Variants in ATP8A1 observed in about 807,000 individuals in gnomAD.
ATP8A1 encodes ATPase phospholipid transporting 8A1, also known as phospholipid-transporting ATPase IA.
In ATP8A1, 90 loss-of-function variants were observed where a neutral mutation model predicts 177.7. The observed-to-expected ratio is 0.51, with a 90% CI of 0.43 to 0.60. The LOEUF (loss-of-function observed/expected upper bound fraction) is 0.60, where lower values mean the gene tolerates loss of function less well. Among genes scored for constraint, ATP8A1 ranks in the 20% least tolerant of loss-of-function variants. The pLI is 0.00. For missense variants in ATP8A1, 1,072 were observed against 1,392.8 expected (o/e 0.77, Z 3.67); for synonymous variants, 493 against 485.9 (o/e 1.01, Z -0.19).
chr4:42,524,912 G>T, intron 20 of ATP8A1, 65 bp from the exon 21 acceptor site: 1 of 1,014,694 alleles, frequency 9.9e-7, no homozygotes, highest in Non-Finnish European at 1.5e-6. Flanking sequence ...AGTTGATGTT[G>T]GTAACAATAG....
At chr4:42,472,111 T>C in intron 25 of ATP8A1, 1 of 691,216 alleles carries the variant, frequency 1.4e-6, no homozygotes, top group Admixed American at 1.8e-5. Context: ...AGGAGAATTC[T>C]GCCTAAGCCA....
chr4:42,575,736 G>A (rs778050671), intron 12 of ATP8A1, 37 bp from the exon 13 acceptor site: 32 of 1,536,108 alleles, frequency 2.1e-5, no homozygotes, highest in African/African-American at 2.7e-5. Flanking sequence ...AACACAACTG[G>A]TAATAAGGAA....
At chr4:42,467,946 G>A (rs1338419764) in intron 25 of ATP8A1, among the ~76,000 whole-genome samples, 1 of 152,130 alleles carries the variant, frequency 6.6e-6, no homozygotes, top group Non-Finnish European at 1.5e-5. Context: ...CTTCCACTCT[G>A]TGGGTTGTCT....
intron 22 of ATP8A1, among the ~76,000 whole-genome samples, chr4:42,521,846 G>T (rs1726161150): frequency 1.3e-5 from 2 of 152,172 alleles, no homozygotes; most frequent in South Asian, 2.1e-4. Flanking sequence ...GTGCGTGTGT[G>T]TAGGGGCATG....
intron 25 of ATP8A1, among the ~76,000 whole-genome samples, chr4:42,482,330 C>CAA (rs1465656569): frequency 1.1e-5 from 1 of 94,696 alleles, no homozygotes. Context: ...AACAAACAAA[C>CAA]AAACAAAAAA....
chr4:42,656,330 GA>G (rs1434984374), intron 1 of ATP8A1, among the ~76,000 whole-genome samples: 1 of 152,210 alleles, frequency 6.6e-6, no homozygotes, highest in Admixed American at 6.5e-5. Flanking sequence ...GTAATGCAGG[GA>G]ACCCACTCGG....
At chr4:42,475,507 A>T (rs1578009354) in intron 25 of ATP8A1, among the ~76,000 whole-genome samples, 3 of 147,688 alleles carry the variant, frequency 2.0e-5, no homozygotes, top group East Asian at 2.0e-4. Context: ...AAAAAAAAAA[A>T]TTCAGGACAT....
intron 23 of ATP8A1, among the ~76,000 whole-genome samples, chr4:42,506,267 G>C (rs1342823694): frequency 3.3e-5 from 5 of 152,142 alleles, no homozygotes; most frequent in Non-Finnish European, 7.3e-5. Flanking sequence ...TCATGAATAG[G>C]ACTGGTGCCC....
At chr4:42,440,963 C>T (rs537636030) in intron 33 of ATP8A1, among the ~76,000 whole-genome samples, 1 of 152,214 alleles carries the variant, frequency 6.6e-6, no homozygotes, top group Non-Finnish European at 1.5e-5. Context: ...CAAATCAACA[C>T]AGGAAAGGAC....
intron 30 of ATP8A1, among the ~76,000 whole-genome samples, chr4:42,447,814 A>G (rs1717449419): frequency 6.6e-6 from 1 of 152,132 alleles, no homozygotes; most frequent in Non-Finnish European, 1.5e-5. Context: ...TCCCTATGGA[A>G]CTCTGTTTAG....
chr4:42,416,349 C>T (rs753288428), intron 35 of ATP8A1, among the ~76,000 whole-genome samples: 9 of 152,118 alleles, frequency 5.9e-5, no homozygotes, highest in Non-Finnish European at 1.3e-4. Flanking sequence ...GCATCTTCTT[C>T]CCAAAAGACA....
chr4:42,508,904 T>C (rs527326948), intron 22 of ATP8A1, among the ~76,000 whole-genome samples: 13 of 152,350 alleles, frequency 8.5e-5, no homozygotes, highest in African/African-American at 3.1e-4. Flanking sequence ...TCACCAAAAT[T>C]GAAGTCTAAA....
chr4:42,533,080 G>A (rs893529496), intron 20 of ATP8A1, among the ~76,000 whole-genome samples: 2 of 152,172 alleles, frequency 1.3e-5, no homozygotes, highest in East Asian at 1.9e-4. Flanking sequence ...CTCTTCACAC[G>A]GACGTGCGTG....
At chr4:42,586,209 A>G in intron 9 of ATP8A1, 140 bp downstream of exon 9, 3 of 856,300 alleles carry the variant, frequency 3.5e-6, no homozygotes, top group Non-Finnish European at 5.2e-6. Context: ...GACTCAGGGC[A>G]GAATAAAAAT....
intron 19 of ATP8A1, among the ~76,000 whole-genome samples, chr4:42,545,898 T>C (rs1728863817): frequency 6.6e-6 from 1 of 152,076 alleles, no homozygotes. Flanking sequence ...AGCTTGAACC[T>C]GGGAGGCGGA....
chr4:42,453,872 T>C (rs1254330498), intron 29 of ATP8A1, among the ~76,000 whole-genome samples: 1 of 152,152 alleles, frequency 6.6e-6, no homozygotes, highest in African/African-American at 2.4e-5. Flanking sequence ...CCAGAGGCCA[T>C]AGTCTGATTG....
At chr4:42,568,776 T>G (rs1731602474) in intron 15 of ATP8A1, among the ~76,000 whole-genome samples, 1 of 152,098 alleles carries the variant, frequency 6.6e-6, no homozygotes, top group Non-Finnish European at 1.5e-5. Flanking sequence ...AGTAGCCTCT[T>G]TTGGTAGCTC....
chr4:42,572,820 A>G (rs555112593), intron 14 of ATP8A1, among the ~76,000 whole-genome samples: 3 of 152,324 alleles, frequency 2.0e-5, no homozygotes, highest in Admixed American at 6.5e-5. Flanking sequence ...AGAGTAGGGA[A>G]TATCTGAAAA....
At position 42,464,965 on chromosome 4, in the gene ATP8A1, C is replaced by A; in HGVS notation, c.2436G>T (p.Ala812=). ...GANDVSMIQT[A]HVGVGISGNE... Reference sequence around the variant, plus strand: ...TGCCACTGATACCAACACCAACGTGCGCTGTCTGTATCATGCTGACATCAT... The same window carrying A: ...TGCCACTGATACCAACACCAACGTGAGCTGTCTGTATCATGCTGACATCAT... Residue 812 remains alanine, a synonymous_variant, in exon 26 of 37, where the codon GCG becomes GCT. Transcript: ENST00000381668. The A allele has an allele frequency of 6.2e-7, 1 of 1,614,204 alleles. No individual in the cohort carries two copies. The highest frequency in any genetic ancestry group is 8.5e-7 in the Non-Finnish European group (1 of 1,180,030).
Sources: gnomAD v4.1 joint callset for allele counts (sites outside exome capture counted in the v4.1 genomes callset) on GRCh38, gnomAD v4.1.1 for gene constraint, MANE v1.5 for transcripts, NCBI Gene and HGNC (gene_info 2026-07-23, HGNC 2026-07-21) for gene names.